TAOK3: variants seen among roughly 807,000 people sequenced by gnomAD.
TAOK3 encodes the protein TAO kinase 3, also known as serine/threonine-protein kinase TAO3.
In TAOK3, 40 loss-of-function variants were observed where a neutral mutation model predicts 120.4. The observed-to-expected ratio is 0.33, with a 90% CI of 0.26 to 0.43. The LOEUF (loss-of-function observed/expected upper bound fraction) is 0.43, where lower values mean the gene tolerates loss of function less well. Among genes scored for constraint, TAOK3 ranks in the 20% least tolerant of loss-of-function variants. TAOK3 has a pLI of 1.00. For missense variants in TAOK3, 821 were observed against 1,112.1 expected (o/e 0.74, Z 3.72); for synonymous variants, 355 against 387.5 (o/e 0.92, Z 0.99).
chr12:118,251,493 T>G (rs1354157567), intron 3 of TAOK3, among the ~76,000 whole-genome samples: 1 of 152,182 alleles, frequency 6.6e-6, no homozygotes, highest in African/African-American at 2.4e-5. Flanking sequence ...ATGATTACGT[T>G]TATCAATGCC....
At chr12:118,151,336 C>T (rs185319375) in intron 20 of TAOK3, among the ~76,000 whole-genome samples, 178 bp from the exon 21 acceptor site, 12 of 151,494 alleles carry the variant, frequency 7.9e-5, no homozygotes, top group Admixed American at 3.9e-4. Flanking sequence ...ACGGGAGGAC[C>T]GAGGAAGGCT....
intron 1 of TAOK3, among the ~76,000 whole-genome samples, chr12:118,270,920 G>A (rs945947881): frequency 1.3e-5 from 2 of 151,466 alleles, no homozygotes; most frequent in South Asian, 2.1e-4. Context: ...CTCGTGATCC[G>A]CCCGCCTCAG....
At chr12:118,370,555 T>C (rs1233681845) in intron 1 of TAOK3, among the ~76,000 whole-genome samples, 2 of 152,160 alleles carry the variant, frequency 1.3e-5, no homozygotes, top group Non-Finnish European at 2.9e-5. Context: ...CGATGTCTGC[T>C]TCTATAAAAA....
chr12:118,157,526 G>A (rs893823200), intron 19 of TAOK3, among the ~76,000 whole-genome samples: 2 of 152,120 alleles, frequency 1.3e-5, no homozygotes, highest in Non-Finnish European at 2.9e-5. Flanking sequence ...ATGTTCACAC[G>A]TTCCTCATGT....
chr12:118,348,889 C>G (rs1459481613), intron 1 of TAOK3, among the ~76,000 whole-genome samples: 1 of 140,142 alleles, frequency 7.1e-6, no homozygotes, highest in Admixed American at 7.5e-5. Flanking sequence ...ACTCTTGTTG[C>G]CCGGGTCTCA....
At position 118,235,686 on chromosome 12, in the gene TAOK3, A is replaced by C; in HGVS notation, c.438-15T>G. On this transcript the variant is annotated splice_polypyrimidine_tract_variant and intron_variant, in intron 7 of 20. Transcript: ENST00000392533. Reference sequence around the variant, plus strand: ...CTTTAATATCCCTATAGGAAAAAAAAAAAGGGTTAGAAAATTACTTTTCAA... The same window carrying C: ...CTTTAATATCCCTATAGGAAAAAAACAAAGGGTTAGAAAATTACTTTTCAA... 1 of 1,553,924 alleles carries C rather than the reference A, an allele frequency of 6.4e-7. No homozygotes were observed. Among genetic ancestry groups the C allele is most frequent in the South Asian group, 1.1e-5 (1 of 88,062 alleles).
intron 1 of TAOK3, among the ~76,000 whole-genome samples, chr12:118,327,253 T>C (rs574509311): frequency 6.6e-6 from 1 of 152,158 alleles, no homozygotes; most frequent in Non-Finnish European, 1.5e-5. Flanking sequence ...TTATGTATAT[T>C]ATATCAAGTA....
intron 1 of TAOK3, among the ~76,000 whole-genome samples, chr12:118,298,567 TTC>T (rs1417275125): frequency 1.3e-5 from 2 of 152,134 alleles, no homozygotes; most frequent in African/African-American, 4.8e-5. Context: ...AGATAAAAAT[TTC>T]TGTGACAGCA....
intron 1 of TAOK3, among the ~76,000 whole-genome samples, chr12:118,279,851 C>T (rs35019804): frequency 0.017 from 2,562 of 151,216 alleles, 28 homozygotes; most frequent in Non-Finnish European, 0.028. Context: ...CTGCAATCTC[C>T]GTCTCCTGGG....
chr12:118,185,624 A>G (rs921674927), intron 14 of TAOK3, among the ~76,000 whole-genome samples: 1 of 152,244 alleles, frequency 6.6e-6, no homozygotes, highest in Non-Finnish European at 1.5e-5. Flanking sequence ...ACCTAAGGAA[A>G]AACTGTTTTT....
intron 3 of TAOK3, chr12:118,246,857 G>C (rs1746072306): frequency 6.2e-6 from 8 of 1,294,566 alleles, no homozygotes; most frequent in Non-Finnish European, 8.8e-6. Context: ...TCTGGAAGGA[G>C]ACTGTATTTA....
At chr12:118,169,092 C>T (rs1254244568) in intron 17 of TAOK3, among the ~76,000 whole-genome samples, 2 of 152,122 alleles carry the variant, frequency 1.3e-5, no homozygotes, top group Non-Finnish European at 2.9e-5. Flanking sequence ...CGGCTCACTG[C>T]AACCTCTGCC....
chr12:118,274,778 G>A (rs2041848134), intron 1 of TAOK3, among the ~76,000 whole-genome samples: 1 of 151,846 alleles, frequency 6.6e-6, no homozygotes, highest in Non-Finnish European at 1.5e-5. Flanking sequence ...ACAGGCACGT[G>A]CGACCACACC....
rs1176996578 is a variant in TAOK3, at chr12:118,281,652, T to G, written c.-193-14893A>C. Among the ~76,000 whole-genome samples the G allele has an allele frequency of 2.0e-5, 3 of 151,162 alleles. No individual in the cohort carries two copies. The East Asian group carries it at 5.9e-4, about 30-fold the overall frequency. On this transcript the variant is annotated intron_variant, in intron 1 of 20. Transcript: ENST00000392533. Reference sequence around the variant, plus strand: ...GTACAAAAATAGCCGGGGGTGGTGGTGGGTACGTGTAATCCCAGATACTCA... The same window carrying G: ...GTACAAAAATAGCCGGGGGTGGTGGGGGGTACGTGTAATCCCAGATACTCA...
chr12:118,193,286 C>A (rs1380147916), intron 13 of TAOK3, among the ~76,000 whole-genome samples: 1 of 151,890 alleles, frequency 6.6e-6, no homozygotes, highest in African/African-American at 2.4e-5. Flanking sequence ...TGAGCTCAGG[C>A]AATCTGCCTG....
At chr12:118,267,884 C>CAAAAAAAAAAA (rs60331520) in intron 1 of TAOK3, among the ~76,000 whole-genome samples, 110 of 78,832 alleles carry the variant, frequency 1.4e-3, no homozygotes, top group Non-Finnish European at 2.3e-3. Flanking sequence ...GACTCCATCT[C>CAAAAAAAAAAA]AAAAAAAAAA....
intron 3 of TAOK3, among the ~76,000 whole-genome samples, chr12:118,253,316 G>C (rs1277771110): frequency 1.3e-5 from 2 of 152,198 alleles, no homozygotes; most frequent in Non-Finnish European, 2.9e-5. Context: ...AAATGGAAGA[G>C]TCAGTAATGT....
intron 1 of TAOK3, among the ~76,000 whole-genome samples, chr12:118,369,857 G>A (rs1047641552): frequency 6.6e-6 from 1 of 152,042 alleles, no homozygotes; most frequent in Non-Finnish European, 1.5e-5. Flanking sequence ...TATGTCTCAG[G>A]AGAGGACTTC....
At chr12:118,220,497 A>G (rs1176087606) in intron 9 of TAOK3, among the ~76,000 whole-genome samples, 1 of 152,046 alleles carries the variant, frequency 6.6e-6, no homozygotes, top group African/African-American at 2.4e-5. Flanking sequence ...GGCTTCATTC[A>G]CTATTAGAAG....
Sources: allele counts gnomAD v4.1 joint callset (sites outside exome capture counted in the v4.1 genomes callset), GRCh38; gene constraint gnomAD v4.1.1; transcripts MANE v1.5; gene names NCBI Gene and HGNC (gene_info 2026-07-23, HGNC 2026-07-21).